Variants in AGBL4 observed in about 807,000 individuals in gnomAD.
AGBL4 encodes cytosolic carboxypeptidase 6.
Under a neutral mutation model 66.4 loss-of-function variants are expected in AGBL4, and 58 were observed. The ratio of observed to expected loss-of-function variants is 0.87; its 90% confidence interval spans 0.71 to 1.09. The LOEUF is 1.09. AGBL4 is among the 50% of genes least tolerant of loss of function. The pLI is 0.00. For synonymous variants in AGBL4, 234 were observed against 222.9 expected (o/e 1.05, Z -0.44); for missense variants, 579 against 631.0 (o/e 0.92, Z 0.88).
chr1:48,760,884 A>C (rs981479283), intron 6 of AGBL4, among the ~76,000 whole-genome samples: 1 of 152,220 alleles, frequency 6.6e-6, no homozygotes, highest in African/African-American at 2.4e-5. Flanking sequence ...AAATGTTTTC[A>C]TCTAACCCGA....
At chr1:48,589,656 G>A (rs1329193021) in intron 10 of AGBL4, among the ~76,000 whole-genome samples, 5 of 152,144 alleles carry the variant, frequency 3.3e-5, no homozygotes, top group Non-Finnish European at 5.9e-5. Flanking sequence ...AACAGCAACC[G>A]TCTCTGGAGT....
At chr1:50,008,631 A>C (rs568020889) in intron 1 of AGBL4, among the ~76,000 whole-genome samples, 1 of 151,996 alleles carries the variant, frequency 6.6e-6, no homozygotes, top group Admixed American at 6.5e-5. Flanking sequence ...CAAACCCAAA[A>C]TTAATAGAAA....
intron 1 of AGBL4, among the ~76,000 whole-genome samples, chr1:49,951,572 ATCC>A (rs1324237896): frequency 2.6e-5 from 4 of 151,724 alleles, no homozygotes; most frequent in Non-Finnish European, 5.9e-5. Context: ...AACTTACATA[ATCC>A]TCCTCATTTG....
chr1:49,122,260 T>C (rs1645671759), intron 4 of AGBL4, among the ~76,000 whole-genome samples: 1 of 152,172 alleles, frequency 6.6e-6, no homozygotes, highest in South Asian at 2.1e-4. Context: ...GGTACCTCAG[T>C]TGGAAATGCA....
chr1:49,005,119 T>C (rs971352337), intron 5 of AGBL4, among the ~76,000 whole-genome samples: 1 of 152,182 alleles, frequency 6.6e-6, no homozygotes, highest in African/African-American at 2.4e-5. Flanking sequence ...ACCAAGAATA[T>C]TTAGTTGAAA....
At chr1:49,027,411 C>T (rs1663800623) in intron 5 of AGBL4, among the ~76,000 whole-genome samples, 1 of 152,106 alleles carries the variant, frequency 6.6e-6, no homozygotes, top group Non-Finnish European at 1.5e-5. Context: ...GATCCACCTG[C>T]CTCAGCCCCT....
intron 4 of AGBL4, among the ~76,000 whole-genome samples, chr1:49,076,982 G>C (rs747208439): frequency 6.6e-6 from 1 of 152,074 alleles, no homozygotes; most frequent in Non-Finnish European, 1.5e-5. Flanking sequence ...ATGTACCCAC[G>C]TTATGCTTAT....
intron 1 of AGBL4, among the ~76,000 whole-genome samples, chr1:49,906,864 T>C (rs972876682): frequency 6.6e-6 from 1 of 152,128 alleles, no homozygotes; most frequent in African/African-American, 2.4e-5. Context: ...CAGGAACTAT[T>C]TCACTCTGTA....
At chr1:49,632,961 C>T (rs1361832108) in intron 3 of AGBL4, among the ~76,000 whole-genome samples, 1 of 152,172 alleles carries the variant, frequency 6.6e-6, no homozygotes, top group Admixed American at 6.5e-5. Flanking sequence ...GTAGTCCCAG[C>T]TACTCGGGAG....
intron 1 of AGBL4, chr1:49,994,829 A>G: frequency 3.2e-6 from 1 of 311,504 alleles, no homozygotes. Context: ...AAAGTGCAAA[A>G]GGGGAAACAT....
At chr1:48,798,553 G>T (rs568109804) in intron 6 of AGBL4, among the ~76,000 whole-genome samples, 1 of 152,110 alleles carries the variant, frequency 6.6e-6, no homozygotes. Context: ...TTGTTTTGTT[G>T]CATTTGCTTT....
At chr1:49,431,528 A>G (rs1411982484) in intron 3 of AGBL4, among the ~76,000 whole-genome samples, 2 of 152,168 alleles carry the variant, frequency 1.3e-5, no homozygotes, top group Non-Finnish European at 2.9e-5. Context: ...TAGGTCATAT[A>G]TGTTTGGTAT....
At chr1:49,078,599 T>A (rs1410015162) in intron 4 of AGBL4, among the ~76,000 whole-genome samples, 1 of 152,132 alleles carries the variant, frequency 6.6e-6, no homozygotes, top group Non-Finnish European at 1.5e-5. Context: ...GCTCTCCACC[T>A]CCAGCCCTCA....
At chr1:49,605,164 G>A (rs2211457) in intron 3 of AGBL4, among the ~76,000 whole-genome samples, 1 of 152,090 alleles carries the variant, frequency 6.6e-6, no homozygotes, top group Admixed American at 6.6e-5. Flanking sequence ...TTGTACTTCA[G>A]GATGTACTGG....
chr1:49,096,168 T>A (rs2147990749), intron 4 of AGBL4, among the ~76,000 whole-genome samples: 1 of 151,824 alleles, frequency 6.6e-6, no homozygotes, highest in East Asian at 1.9e-4. Flanking sequence ...AGAATGGCGA[T>A]CATTAAAAAG....
intron 3 of AGBL4, among the ~76,000 whole-genome samples, chr1:49,590,531 A>T (rs533180511): frequency 7.6e-4 from 116 of 152,200 alleles, no homozygotes; most frequent in African/African-American, 2.6e-3. Flanking sequence ...GAGGTAGAAA[A>T]CATCAGCAAA....
chr1:48,562,635 T>C (rs980693388), intron 11 of AGBL4, among the ~76,000 whole-genome samples: 1 of 152,182 alleles, frequency 6.6e-6, no homozygotes, highest in South Asian at 2.1e-4. Context: ...AGTGGGATAA[T>C]AAAGCATCAG....
At chr1:49,848,256 C>A (rs1006032253) in intron 2 of AGBL4, among the ~76,000 whole-genome samples, 2 of 152,070 alleles carry the variant, frequency 1.3e-5, no homozygotes, top group African/African-American at 4.8e-5. Flanking sequence ...CCATTCAATT[C>A]AAAGATATTT....
Position 49,116,207 on chromosome 1 carries a change from A to AT in AGBL4, c.378-70408dup, listed in dbSNP as rs568569953. 2.1e-3 allele frequency among the ~76,000 whole-genome samples: 327 copies of AT among 152,104 alleles called. 2 individuals carry two copies. Among genetic ancestry groups the AT allele is most frequent in the African/African-American group, 7.6e-3 (315 of 41,522 alleles). The stretch of plus-strand genomic sequence containing the variant: ...ATTGTGCCAGAGTTTAATTGGCAAC[A>AT]TTTTTCTTCTTTTTAAAATTTTTTT... On this transcript the variant is annotated intron_variant, in intron 4 of 13. Transcript: ENST00000371839.
Sources: gnomAD v4.1 joint callset for allele counts (sites outside exome capture counted in the v4.1 genomes callset) on GRCh38, gnomAD v4.1.1 for gene constraint, MANE v1.5 for transcripts, NCBI Gene and HGNC (gene_info 2026-07-23, HGNC 2026-07-21) for gene names.